The following SRSF12 variants were observed in gnomAD, a reference collection of about 807,000 sequenced individuals.
The protein encoded by SRSF12 is serine/arginine-rich splicing factor 12.
In SRSF12, 21 loss-of-function variants were observed where a neutral mutation model predicts 34.1. The ratio of observed to expected loss-of-function variants is 0.62; its 90% CI spans 0.44 to 0.89. The LOEUF (loss-of-function observed/expected upper bound fraction) is 0.89, where lower values mean the gene tolerates loss of function less well. SRSF12 is among the 40% of genes least tolerant of loss of function. The pLI is 0.00. For missense variants in SRSF12, 278 were observed against 327.8 expected (o/e 0.85, Z 1.17); for synonymous variants, 111 against 110.8 (o/e 1.00, Z -0.01).
chr6:89,102,478 AGAATATATTCTG>A (rs1215343541), intron 4 of SRSF12, among the ~76,000 whole-genome samples: 5 of 152,162 alleles, frequency 3.3e-5, no homozygotes, highest in Non-Finnish European at 7.3e-5. Context: ...ACATTGATGT[AGAATATATTCTG>A]GAATAAATTC....
At chr6:89,112,494 T>C (rs1769105078) in intron 1 of SRSF12, among the ~76,000 whole-genome samples, 1 of 150,660 alleles carries the variant, frequency 6.6e-6, no homozygotes, top group African/African-American at 2.4e-5. Flanking sequence ...TTGCCCAGGC[T>C]GCAGTGCAGT....
chr6:89,104,583 C>T (rs1768699429), intron 4 of SRSF12, among the ~76,000 whole-genome samples: 1 of 150,064 alleles, frequency 6.7e-6, no homozygotes, highest in Admixed American at 6.6e-5. Context: ...TATATATTAT[C>T]TTCTCATGTA....
intron 4 of SRSF12, among the ~76,000 whole-genome samples, chr6:89,101,442 C>T (rs1363303565): frequency 6.6e-6 from 1 of 152,086 alleles, no homozygotes; most frequent in Non-Finnish European, 1.5e-5. Flanking sequence ...TGAAAACCGG[C>T]CGGGTGCGGT....
Position 89,097,095 on chromosome 6 carries a change from T to C in SRSF12, c.*1483A>G, listed in dbSNP as rs555549742. 20 of 152,318 alleles carry C rather than the reference T, an allele frequency of 1.3e-4. No homozygotes were observed. The highest frequency in any genetic ancestry group is 4.6e-4 in the African/African-American group (19 of 41,578). 9.4% of individuals were successfully genotyped at this position (152,318 alleles called of 1,614,324 possible). A position where few individuals can be genotyped will look rare whatever the true frequency, so the allele number is the denominator to read the frequency against. On this transcript the variant is annotated 3_prime_UTR_variant, in exon 5 of 5. Coordinates refer to ENST00000452027, the MANE Select transcript of SRSF12 (RefSeq NM_080743.5). Reference sequence around the variant, plus strand: ...TTATTGTTTAAGGTTGTTTCTTACATATGGGATCTAATATGCAAAGAAAAC... The same window carrying C: ...TTATTGTTTAAGGTTGTTTCTTACACATGGGATCTAATATGCAAAGAAAAC...
chr6:89,109,234 TG>T (rs1324081513), intron 1 of SRSF12, among the ~76,000 whole-genome samples: 8 of 152,160 alleles, frequency 5.3e-5, no homozygotes, highest in Non-Finnish European at 7.4e-5. Flanking sequence ...TTTTCCATAG[TG>T]AGGCCCAGTT....
intron 1 of SRSF12, among the ~76,000 whole-genome samples, chr6:89,116,514 C>G (rs1769299577): frequency 6.6e-6 from 1 of 152,132 alleles, no homozygotes; most frequent in Admixed American, 6.6e-5. Flanking sequence ...GTGGCTCATG[C>G]CTGTAATCTC....
chr6:89,117,683 C>A, intron 1 of SRSF12, 140 bp downstream of exon 1: 1 of 800,564 alleles, frequency 1.2e-6, no homozygotes, highest in Non-Finnish European at 1.8e-6. Flanking sequence ...GCTCACACCT[C>A]CCCAAGTGGC....
chr6:89,113,729 G>A (rs747261010), intron 1 of SRSF12, among the ~76,000 whole-genome samples: 20 of 151,956 alleles, frequency 1.3e-4, no homozygotes, highest in Non-Finnish European at 2.2e-4. Flanking sequence ...CTGCAGCCTC[G>A]ACCACCTGGG....
intron 1 of SRSF12, among the ~76,000 whole-genome samples, chr6:89,115,890 C>T (rs1196723911): frequency 6.6e-6 from 1 of 152,104 alleles, no homozygotes; most frequent in East Asian, 1.9e-4. Context: ...CTGCCTCAGC[C>T]TCCCAAAGTG....
chr6:89,102,774 CAG>C (rs1203991590), intron 4 of SRSF12, among the ~76,000 whole-genome samples: 1 of 152,092 alleles, frequency 6.6e-6, no homozygotes. Context: ...TGTTGTGAGA[CAG>C]AGTCTTCCTC....
At chr6:89,100,850 G>C (rs1768506770) in intron 4 of SRSF12, among the ~76,000 whole-genome samples, 1 of 152,304 alleles carries the variant, frequency 6.6e-6, no homozygotes, top group South Asian at 2.1e-4. Context: ...GCTCATGCCT[G>C]TAATCCCACT....
At chr6:89,117,563 C>T (rs1000833986) in intron 1 of SRSF12, among the ~76,000 whole-genome samples, 5 of 152,324 alleles carry the variant, frequency 3.3e-5, no homozygotes, top group Middle Eastern at 6.8e-3. Context: ...CGGTGCTGAA[C>T]CGCGGAAAGC....
chr6:89,107,238 T>C lies in SRSF12; in HGVS notation c.86A>G (p.Glu29Gly). 6.2e-7 allele frequency: 1 copy of C among 1,613,976 alleles called. No homozygotes were observed. Among genetic ancestry groups the C allele is most frequent in the Non-Finnish European group, 8.5e-7 (1 of 1,179,998 alleles). The change falls in exon 2 of 5, where the codon GAG (glutamate) becomes GGG (glycine). Residue 29 changes from glutamate to glycine, a missense_variant. Coordinates refer to ENST00000452027, the MANE Select transcript of SRSF12 (RefSeq NM_080743.5). ...TACTATAGGGCCATATCGACCAAAC[T>C]CACGGCGCAAGTCCTCAGGCCTGAA... ...DATRPEDLRR[E>G]FGRYGPIVDV...
chr6:89,114,472 T>C (rs986332866), intron 1 of SRSF12, among the ~76,000 whole-genome samples: 1 of 152,184 alleles, frequency 6.6e-6, no homozygotes, highest in Non-Finnish European at 1.5e-5. Context: ...ATTATAGGGT[T>C]ACTGCGAAAA....
chr6:89,106,913 G>A, intron 2 of SRSF12: 1 of 538,510 alleles, frequency 1.9e-6, no homozygotes. Flanking sequence ...ACTCCTTGAT[G>A]CTTGAACTTT....
Position 89,107,255 on chromosome 6 carries a change from A to G in SRSF12, c.69T>C (p.Pro23=), listed in dbSNP as rs759469088. 4 of 1,611,602 alleles carry G rather than the reference A, an allele frequency of 2.5e-6. No homozygotes were observed. In the East Asian group the frequency reaches 6.7e-5, roughly 27 times the overall value. ...FIRNVADATR[P]EDLRREFGRY... ...GACCAAACTCACGGCGCAAGTCCTC[A>G]GGCCTGAAGTGTTTTAGAAATAAGG... The change falls in exon 2 of 5, where the codon CCT becomes CCC. Residue 23 remains proline (P), a synonymous_variant. Coordinates refer to ENST00000452027, the MANE Select transcript of SRSF12 (RefSeq NM_080743.5).
chr6:89,107,069 T>A (rs748852401), intron 2 of SRSF12, 85 bp downstream of exon 2: 1 of 1,229,594 alleles, frequency 8.1e-7, no homozygotes. Flanking sequence ...GCAATATTAA[T>A]CTCATAACAT....
At chr6:89,111,109 CT>C (rs75997148) in intron 1 of SRSF12, among the ~76,000 whole-genome samples, 1,893 of 120,666 alleles carry the variant, frequency 0.016, 20 homozygotes, top group Non-Finnish European at 0.02. Flanking sequence ...TGAGACTTGT[CT>C]TTTTTTTTTT....
chr6:89,105,025 T>C (rs1768721518), intron 4 of SRSF12, 94 bp downstream of exon 4: 1 of 1,324,826 alleles, frequency 7.5e-7, no homozygotes. Context: ...ACTACTGCAC[T>C]CCAGCCTGGG....
Sources: allele counts gnomAD v4.1 joint callset (sites outside exome capture counted in the v4.1 genomes callset), GRCh38; gene constraint gnomAD v4.1.1; transcripts MANE v1.5; gene names NCBI Gene and HGNC (gene_info 2026-07-23, HGNC 2026-07-21).